The following CPN1 variants were observed in gnomAD, a reference collection of about 807,000 sequenced individuals.
CPN1 encodes the protein carboxypeptidase N catalytic chain.
A neutral mutation model predicts 46.4 loss-of-function variants in CPN1; 37 were observed. The observed-to-expected ratio is 0.80, with a 90% CI of 0.61 to 1.05. CPN1 has a LOEUF of 1.05. Ranked by LOEUF, CPN1 falls within the 50% of genes least tolerant of loss-of-function variation. The pLI, the probability that CPN1 is intolerant of heterozygous loss-of-function variation, is 0.00. For synonymous variants in CPN1, 224 were observed against 235.4 expected (o/e 0.95, Z 0.44); for missense variants, 563 against 602.6 (o/e 0.93, Z 0.69).
Position 100,057,149 on chromosome 10 carries a change from A to G in CPN1, c.875T>C (p.Met292Thr), listed in dbSNP as rs757921241. The G allele has an allele frequency of 3.1e-6, 5 of 1,613,948 alleles. No homozygotes were observed. The South Asian group carries it at 4.4e-5, about 14-fold the overall frequency. The change falls in exon 6 of 9, where the codon ATG becomes ACG. Residue 292 changes from methionine to threonine, a missense_variant. By Grantham distance (81) the Met-to-Thr change is moderately conservative. Transcript: ENST00000370418. The stretch of plus-strand genomic sequence containing the variant: ...GGTATGGAGATAATTAAAGTCTTGC[A>G]TTCCTAAGGGAAAGAGGGCAGCAGC... The part of the protein sequence containing the change: ...GASWYSLSKG[M>T]QDFNYLHTNC...
rs1223369080 is a variant in CPN1, at chr10:100,080,979, C to A, written c.223+424G>T. 2.0e-5 allele frequency among the ~76,000 whole-genome samples: 3 copies of A among 152,310 alleles called. No homozygotes were observed. The East Asian group carries it at 5.8e-4, about 29-fold the overall frequency. The stretch of plus-strand genomic sequence containing the variant: ...TCTCTGGAATACCACACTGTCACTC[C>A]CCGAAGAGATTCCCCTATACCCTTC... On this transcript the variant is annotated intron_variant, in intron 1 of 8. Transcript: ENST00000370418.
chr10:100,055,393 T>C (rs1365389613), intron 6 of CPN1, among the ~76,000 whole-genome samples: 4 of 151,794 alleles, frequency 2.6e-5, no homozygotes, highest in Non-Finnish European at 1.5e-5. Context: ...TCAACACTTT[T>C]CATCTCTATA....
At chr10:100,052,208 T>A (rs1356656483) in intron 7 of CPN1, among the ~76,000 whole-genome samples, 1 of 152,070 alleles carries the variant, frequency 6.6e-6, no homozygotes, top group East Asian at 1.9e-4. Context: ...GTAGCTGGGA[T>A]CACAGGCACA....
intron 4 of CPN1, among the ~76,000 whole-genome samples, chr10:100,064,192 G>A (rs539811277): frequency 3.3e-5 from 5 of 152,110 alleles, no homozygotes; most frequent in South Asian, 2.1e-4. Flanking sequence ...AGAGTCGTGC[G>A]TTGCAGGGAG....
chr10:100,058,195 A>G (rs2133434608), intron 5 of CPN1, among the ~76,000 whole-genome samples: 1 of 151,970 alleles, frequency 6.6e-6, no homozygotes, highest in South Asian at 2.1e-4. Context: ...TCATGACTGA[A>G]TTTCACTTCT....
At chr10:100,057,690 G>A (rs1200655771) in intron 5 of CPN1, among the ~76,000 whole-genome samples, 1 of 152,140 alleles carries the variant, frequency 6.6e-6, no homozygotes, top group Non-Finnish European at 1.5e-5. Context: ...AGGGCTTACT[G>A]TAGTTTTTTA....
intron 5 of CPN1, among the ~76,000 whole-genome samples, chr10:100,063,373 G>A (rs1269718454): frequency 3.9e-5 from 6 of 152,034 alleles, no homozygotes; most frequent in African/African-American, 1.2e-4. Flanking sequence ...CACCCTCCTC[G>A]GCCTCCCAAA....
At chr10:100,043,700 G>A (rs577976531) in intron 8 of CPN1, among the ~76,000 whole-genome samples, 1 of 149,798 alleles carries the variant, frequency 6.7e-6, no homozygotes, top group African/African-American at 2.5e-5. Context: ...ATGGGGTCTT[G>A]TTATGTTGTC....
intron 5 of CPN1, among the ~76,000 whole-genome samples, chr10:100,061,069 G>T (rs1292559087): frequency 6.6e-6 from 1 of 151,924 alleles, no homozygotes; most frequent in Non-Finnish European, 1.5e-5. Context: ...GAGGAAGGAT[G>T]GTTACCAGAG....
In CPN1 at chr10:100,081,457, C is replaced by G. The variant is rs777184310; in HGVS notation, c.169G>C (p.Gly57Arg). 6.2e-7 allele frequency: 1 copy of G among 1,613,994 alleles called. No homozygotes were observed. Among genetic ancestry groups the G allele is most frequent in the Non-Finnish European group, 8.5e-7 (1 of 1,180,030 alleles). Residue 57 changes from glycine to arginine, a missense_variant, in exon 1 of 9, where the codon GGG becomes CGG. Physicochemically the swap from Gly to Arg is moderately radical, Grantham distance 125. Coordinates refer to ENST00000370418, the MANE Select transcript of CPN1 (RefSeq NM_001308.3). ...RVYSIGRSVE[G>R]RHLYVLEFSD... The stretch of plus-strand genomic sequence containing the variant: ...AACTCCAGCACGTAGAGGTGTCTCC[C>G]CTCCACGCTGCGCCCAATGCTGTAG...
intron 2 of CPN1, among the ~76,000 whole-genome samples, chr10:100,072,067 A>G (rs1230454580): frequency 3.3e-5 from 5 of 152,206 alleles, no homozygotes; most frequent in African/African-American, 1.2e-4. Context: ...TTGAACATCC[A>G]CGTACAAGTC....
Position 100,042,372 on chromosome 10 carries a change from C to A in CPN1, c.*55G>T. On this transcript the variant is annotated 3_prime_UTR_variant, in exon 9 of 9. Transcript: ENST00000370418. The stretch of plus-strand genomic sequence containing the variant: ...TAATAAAATAGAAAGAATGCTTGAT[C>A]TGATCTGAGAGCAGGAGCAAAGCCT... 1.2e-6 allele frequency: 2 copies of A among 1,606,170 alleles called. No homozygotes were observed. Among genetic ancestry groups the A allele is most frequent in the South Asian group, 2.2e-5 (2 of 90,840 alleles).
chr10:100,081,514 C>G lies in CPN1; in HGVS notation c.112G>C (p.Val38Leu). 1 of 1,614,176 alleles carries G rather than the reference C, an allele frequency of 6.2e-7. No homozygotes were observed. The highest frequency in any genetic ancestry group is 1.1e-5 in the South Asian group (1 of 91,084). Reference sequence around the variant, plus strand: ...GTGATGCCGGGGCATTCGTTTTGCACCTTGTACAGCGTCCGCACAAGATCA... The same window carrying G: ...GTGATGCCGGGGCATTCGTTTTGCAGCTTGTACAGCGTCCGCACAAGATCA... The part of the protein sequence containing the change: ...YDDLVRTLYK[V>L]QNECPGITRV... Residue 38 changes from valine to leucine, a missense_variant, in exon 1 of 9, where the codon GTG becomes CTG. Coordinates refer to ENST00000370418, the MANE Select transcript of CPN1 (RefSeq NM_001308.3).
chr10:100,076,605 G>A (rs963194571), intron 1 of CPN1, among the ~76,000 whole-genome samples: 8 of 152,190 alleles, frequency 5.3e-5, no homozygotes, highest in Non-Finnish European at 1.2e-4. Context: ...CGTAACAGCC[G>A]CTAATGATCC....
chr10:100,059,592 CAAAA>C (rs71013408), intron 5 of CPN1, among the ~76,000 whole-genome samples: 1 of 115,080 alleles, frequency 8.7e-6, no homozygotes, highest in African/African-American at 3.2e-5. Flanking sequence ...TGGCTACTAT[CAAAA>C]AAAAAAAAAA....
intron 8 of CPN1, among the ~76,000 whole-genome samples, chr10:100,043,522 C>T (rs1360298157): frequency 6.6e-6 from 1 of 152,182 alleles, no homozygotes; most frequent in Non-Finnish European, 1.5e-5. Context: ...TTTATGCTGC[C>T]TGGGTGACTC....
Position 100,076,106 on chromosome 10 carries a change from C to T in CPN1, c.225G>A (p.Leu75=). ...FSDHPGIHEP[L]EPEVKYVGNM... is the part of the protein sequence containing the mutation. Reference sequence around the variant, plus strand: ...TCCCCACATACTTGACCTCTGGTTCCACTGCAAGGAAGAGAAAAGATGGGG... The same window carrying T: ...TCCCCACATACTTGACCTCTGGTTCTACTGCAAGGAAGAGAAAAGATGGGG... Residue 75 remains leucine (L), a splice_region_variant and synonymous_variant, in exon 2 of 9, where the codon TTG becomes TTA. Coordinates refer to ENST00000370418, the MANE Select transcript of CPN1 (RefSeq NM_001308.3). The T allele has an allele frequency of 6.2e-7, 1 of 1,614,200 alleles. No homozygotes were observed. Among genetic ancestry groups the T allele is most frequent in the South Asian group, 1.1e-5 (1 of 91,082 alleles).
chr10:100,068,213 C>CT (rs565871714), intron 3 of CPN1, among the ~76,000 whole-genome samples: 1,470 of 127,288 alleles, frequency 0.012, 32 homozygotes, highest in African/African-American at 0.032. Flanking sequence ...ATTCCCTGAA[C>CT]TTTTTTTTTT....
At chr10:100,067,582 T>C (rs754191289) in intron 3 of CPN1, among the ~76,000 whole-genome samples, 1 of 152,256 alleles carries the variant, frequency 6.6e-6, no homozygotes, top group South Asian at 2.1e-4. Context: ...GCTTTGCTTT[T>C]CTTTCCCCAG....
Sources: allele counts gnomAD v4.1 joint callset (sites outside exome capture counted in the v4.1 genomes callset), GRCh38; gene constraint gnomAD v4.1.1; transcripts MANE v1.5; gene names NCBI Gene and HGNC (gene_info 2026-07-23, HGNC 2026-07-21).